The following ZBBX variants were observed in gnomAD, a reference collection of about 807,000 sequenced individuals.
ZBBX encodes zinc finger B-box domain-containing protein 1.
In ZBBX, 101 loss-of-function variants were observed where a neutral mutation model predicts 108.5. The observed-to-expected ratio is 0.93, with a 90% CI of 0.79 to 1.10. ZBBX has a LOEUF of 1.10. ZBBX is among the 50% of genes least tolerant of loss of function. The pLI is 0.00. For synonymous variants in ZBBX, 356 were observed against 323.4 expected (o/e 1.10, Z -1.08); for missense variants, 1,009 against 941.4 (o/e 1.07, Z -0.94).
At chr3:167,206,771 C>T in the ZBBX span, among the ~76,000 whole-genome samples, 1 of 151,988 alleles carries the variant, frequency 6.6e-6, no homozygotes, top group African/African-American at 2.4e-5. Flanking sequence ...TATTATGGTA[C>T]TGGCATAAAA....
chr3:167,289,044 G>T, intron 18 of ZBBX, 61 bp from the exon 19 acceptor site: 1 of 1,206,480 alleles, frequency 8.3e-7, no homozygotes, highest in Non-Finnish European at 1.2e-6. Context: ...CATTTTATTA[G>T]TTTTATATTT....
At position 167,393,102 on chromosome 3, in the gene ZBBX, CT is replaced by C. The variant is rs201767573; in HGVS notation, c.-445-12698del. Among the ~76,000 whole-genome samples, 35 of 151,784 alleles carry C rather than the reference CT, an allele frequency of 2.3e-4. No individual in the cohort carries two copies. The East Asian group carries it at 5.6e-3, about 24-fold the overall frequency. ...CTAGCCTAAAACAAAACAAAACCCC[CT>C]TTTGCCCCTCTTTCCCTGGACAATG... is the stretch of plus-strand genomic sequence containing the variant. On this transcript the variant is annotated intron_variant, in intron 1 of 21. Coordinates refer to the ZBBX transcript ENST00000455345.
intron 20 of ZBBX, among the ~76,000 whole-genome samples, chr3:167,268,649 C>A (rs1725991204): frequency 6.6e-6 from 1 of 152,040 alleles, no homozygotes; most frequent in Non-Finnish European, 1.5e-5. Flanking sequence ...AGAAGACCCC[C>A]TTGGACAAGG....
chr3:167,316,014 A>G (rs1735392847), intron 14 of ZBBX, among the ~76,000 whole-genome samples, 185 bp from the exon 15 acceptor site: 1 of 152,098 alleles, frequency 6.6e-6, no homozygotes, highest in South Asian at 2.1e-4. Flanking sequence ...ATTGGTTGAT[A>G]TGTCAATTAC....
chr3:167,198,579 G>A, the ZBBX span, among the ~76,000 whole-genome samples: 1 of 152,244 alleles, frequency 6.6e-6, no homozygotes, highest in South Asian at 2.1e-4. Flanking sequence ...AATAGTGATT[G>A]TGAAAGAGTC....
At chr3:167,392,851 C>T (rs949037770) in intron 1 of ZBBX, 3 of 151,808 alleles carry the variant, frequency 2.0e-5, no homozygotes, top group Admixed American at 6.6e-5. Context: ...AGATGTTAGA[C>T]ATCGAAGTGA....
intron 9 of ZBBX, among the ~76,000 whole-genome samples, chr3:167,344,417 G>A (rs1207493809): frequency 6.6e-6 from 1 of 151,688 alleles, no homozygotes; most frequent in Non-Finnish European, 1.5e-5. Flanking sequence ...AATGATTCCT[G>A]GACAAGTGTT....
At chr3:167,259,206 A>G (rs1309885039) in intron 20 of ZBBX, among the ~76,000 whole-genome samples, 3 of 152,078 alleles carry the variant, frequency 2.0e-5, no homozygotes, top group Non-Finnish European at 2.9e-5. Context: ...TAAGAGGGTT[A>G]TATTTTTCCA....
chr3:167,216,967 C>A, the ZBBX span, among the ~76,000 whole-genome samples: 1 of 152,078 alleles, frequency 6.6e-6, no homozygotes, highest in Non-Finnish European at 1.5e-5. Flanking sequence ...GTACAAAACT[C>A]AACTCAAAAT....
At chr3:167,183,577 A>G in the ZBBX span, among the ~76,000 whole-genome samples, 1 of 152,230 alleles carries the variant, frequency 6.6e-6, no homozygotes, top group Non-Finnish European at 1.5e-5. Context: ...ATATTTATCG[A>G]CAGGAAGCCG....
rs931906481 is a variant in ZBBX at position 167,240,587 on chromosome 3, T to C, written c.*206A>G. ...TATTTTACTAACATAATCTGCAATA[T>C]AGATTAGTGGTTGACATATAATATA... On this transcript the variant is annotated 3_prime_UTR_variant, in exon 22 of 22. Transcript: ENST00000675490. 1.1e-5 allele frequency: 5 copies of C among 444,450 alleles called. No homozygotes were observed. Among genetic ancestry groups the C allele is most frequent in the African/African-American group, 1.0e-4 (5 of 49,734 alleles). 27.5% of individuals were successfully genotyped at this position (444,450 alleles called of 1,614,324 possible).
Position 167,282,291 on chromosome 3 carries a change from T to G in ZBBX, c.2201A>C (p.Gln734Pro). 3.1e-6 allele frequency: 5 copies of G among 1,614,008 alleles called. No homozygotes were observed. In the African/African-American group the frequency reaches 5.3e-5, roughly 17 times the overall value. Residue 734 changes from glutamine (Q) to proline (P), a missense_variant, in exon 20 of 22, where the codon CAA (glutamine) becomes CCA (proline). Coordinates refer to ENST00000675490, the MANE Select transcript of ZBBX (RefSeq NM_001199201.2). ...TTTTTCCAAATTGTCTAAAGTATGT[T>G]GATCAGTAGTGTCATCTAAGGAAAG... is the stretch of plus-strand genomic sequence containing the variant. ...NELSLDDTTD[Q>P]HTLDNLEKEL...
the ZBBX span, among the ~76,000 whole-genome samples, chr3:167,233,958 T>A: frequency 1.3e-5 from 2 of 151,764 alleles, no homozygotes; most frequent in Non-Finnish European, 2.9e-5. Flanking sequence ...CTTTCTTCTG[T>A]CTTATAAAGA....
intron 9 of ZBBX, among the ~76,000 whole-genome samples, chr3:167,344,487 C>A (rs1225413784): frequency 6.6e-6 from 1 of 151,766 alleles, no homozygotes; most frequent in African/African-American, 2.4e-5. Flanking sequence ...TCATCAAGGA[C>A]TTAAATGCCA....
rs145620721 is a variant in ZBBX, at chr3:167,341,092, T to C, written c.529-7107A>G. ...TGCTTATTCCAACATCATGTAAGTATTACTTTAAGTAGTTCTTAAAAGACT... is the reference window on the plus strand; with the variant it reads ...TGCTTATTCCAACATCATGTAAGTACTACTTTAAGTAGTTCTTAAAAGACT... On this transcript the variant is annotated intron_variant, in intron 9 of 21. Coordinates refer to ENST00000675490, the MANE Select transcript of ZBBX (RefSeq NM_001199201.2). 2.3e-3 allele frequency among the ~76,000 whole-genome samples: 356 copies of C among 152,034 alleles called. 2 individuals carry two copies. The highest frequency in any genetic ancestry group is 7.2e-3 in the African/African-American group (298 of 41,538).
the ZBBX span, among the ~76,000 whole-genome samples, chr3:167,213,274 A>G: frequency 6.6e-6 from 1 of 152,212 alleles, no homozygotes. Context: ...GCAAAACCCA[A>G]TCTGAGGAAA....
At chr3:167,324,622 G>A in intron 11 of ZBBX, among the ~76,000 whole-genome samples, 1 of 152,086 alleles carries the variant, frequency 6.6e-6, no homozygotes. Context: ...TCTGTGAATT[G>A]AAACACTGAT....
chr3:167,197,700 G>A, the ZBBX span, among the ~76,000 whole-genome samples: 1 of 152,140 alleles, frequency 6.6e-6, no homozygotes, highest in Non-Finnish European at 1.5e-5. Context: ...CATGCTGTCA[G>A]AATGAGTCAT....
intron 1 of ZBBX, among the ~76,000 whole-genome samples, chr3:167,398,941 A>G (rs1048489883): frequency 7.9e-5 from 12 of 151,912 alleles, no homozygotes; most frequent in African/African-American, 2.7e-4. Context: ...ATGGGTTATC[A>G]TGAGAGTGGA....
Sources: gnomAD v4.1 joint callset for allele counts (sites outside exome capture counted in the v4.1 genomes callset) on GRCh38, gnomAD v4.1.1 for gene constraint, MANE v1.5 for transcripts, NCBI Gene and HGNC (gene_info 2026-07-23, HGNC 2026-07-21) for gene names.